The following SLC4A11 variants were observed in gnomAD, a reference collection of about 807,000 sequenced individuals.
The protein encoded by SLC4A11 is solute carrier family 4 member 11.
SLC4A11 carries 74 observed loss-of-function variants against 95.0 expected under a neutral mutation model. The ratio of observed to expected loss-of-function variants is 0.78; its 90% CI spans 0.65 to 0.95. The LOEUF (loss-of-function observed/expected upper bound fraction) is 0.95, where lower values mean the gene tolerates loss of function less well. Ranked by LOEUF, SLC4A11 falls within the 40% of genes least tolerant of loss-of-function variation. The pLI is 0.00. For missense variants in SLC4A11, 1,081 were observed against 1,192.4 expected (o/e 0.91, Z 1.38); for synonymous variants, 548 against 519.0 (o/e 1.06, Z -0.76).
At position 3,232,759 on chromosome 20, in the gene SLC4A11, A is replaced by G. The variant is rs572796107; in HGVS notation, c.729+755T>C. On this transcript the variant is annotated intron_variant, in intron 7 of 19. Transcript: ENST00000642402. ...ACAAATAAACAAATACAAAACCCCAAAAGAACTAGTCCATGCTCCTGAGGA... is the reference window on the plus strand; with the variant it reads ...ACAAATAAACAAATACAAAACCCCAGAAGAACTAGTCCATGCTCCTGAGGA... Among the ~76,000 whole-genome samples, 8 of 152,272 alleles carry G rather than the reference A, an allele frequency of 5.3e-5. No individual in the cohort carries two copies. In the South Asian group the frequency reaches 1.7e-3, roughly 32 times the overall value.
At chr20:3,239,542 G>T (rs926038927), upstream of SLC4A11, 22 of 989,690 alleles carry the variant, frequency 2.2e-5, no homozygotes, top group Non-Finnish European at 2.5e-5. Flanking sequence ...ACCGAGCTGT[G>T]CGACTGAGGC....
In SLC4A11 at chr20:3,231,261, C is replaced by A. The variant is rs777468868; in HGVS notation, c.949-19G>T. ...TTGGGGGCTGGAGGAGAGGACAGAG[C>A]GCCTGTTAGCCCTGTCCGGCCCATG... On this transcript the variant is annotated intron_variant, in intron 8 of 19. Transcript: ENST00000642402. The surrounding 1 kb of genome is among the most constrained non-coding windows in gnomAD (Gnocchi z 5.2). The A allele has an allele frequency of 3.7e-6, 6 of 1,613,456 alleles. No homozygotes were observed. Among genetic ancestry groups the A allele is most frequent in the East Asian group, 2.2e-5 (1 of 44,874 alleles).
chr20:3,229,060 G>GGGCCCCCCCCCCCCCCCCCCCCCCC, intron 16 of SLC4A11, 35 bp downstream of exon 16: 5 of 1,541,586 alleles, frequency 3.2e-6, no homozygotes, highest in Non-Finnish European at 4.4e-6. Flanking sequence ...AGAGGCCCGG[G>GGGCCCCCCCCCCCCCCCCCCCCCCC]CCCCGCCCAC....
At chr20:3,239,318 G>A (rs1361496428), upstream of SLC4A11, 2 of 1,158,810 alleles carry the variant, frequency 1.7e-6, no homozygotes, top group African/African-American at 3.3e-5. Context: ...GCCGAGGGCT[G>A]GGACCCGGCC....
rs1231139759 is a variant in SLC4A11, at chr20:3,231,249, G to T, written c.949-7C>A. ...AGTCCTTGCACTTTGGGGGCTGGAG[G>T]AGAGGACAGAGCGCCTGTTAGCCCT... On this transcript the variant is annotated splice_polypyrimidine_tract_variant and splice_region_variant and intron_variant, in intron 8 of 19. Coordinates refer to ENST00000642402, the MANE Select transcript of SLC4A11 (RefSeq NM_001174089.2). The surrounding 1 kb of genome is among the most constrained non-coding windows in gnomAD (Gnocchi z 5.2). The T allele has an allele frequency of 6.2e-7, 1 of 1,613,812 alleles. No individual in the cohort carries two copies. The highest frequency in any genetic ancestry group is 8.5e-7 in the Non-Finnish European group (1 of 1,180,012).
intron 12 of SLC4A11, 67 bp downstream of exon 12, chr20:3,230,448 G>C (rs1249462576): frequency 3.7e-6 from 6 of 1,610,416 alleles, no homozygotes; most frequent in Non-Finnish European, 5.1e-6. Flanking sequence ...ACCACCCTGG[G>C]GTTACAGGGG....
Position 3,234,849 on chromosome 20 carries a change from T to G in SLC4A11, c.134A>C (p.Glu45Ala). ...DTDDTFEARE[E>A]ILGDEAFDTA... The stretch of plus-strand genomic sequence containing the variant: ...GTCGAAGGCCTCATCCCCCAGGATC[T>G]CCTCTCGGGCTTCGAAGGTGTCATC... The change falls in exon 3 of 20, where the codon GAG becomes GCG. Residue 45 changes from glutamate (E) to alanine (A), a missense_variant. Coordinates refer to ENST00000642402, the MANE Select transcript of SLC4A11 (RefSeq NM_001174089.2). This position sits in a 1 kb window ranked among gnomAD's most constrained non-coding sequence, Gnocchi z 5.8. 2 of 1,614,024 alleles carry G rather than the reference T, an allele frequency of 1.2e-6. No individual in the cohort carries two copies. The highest frequency in any genetic ancestry group is 1.7e-6 in the Non-Finnish European group (2 of 1,180,018).
rs777468868 is a variant in SLC4A11 at position 3,231,261 on chromosome 20, C to T, written c.949-19G>A. On this transcript the variant is annotated intron_variant, in intron 8 of 19. Coordinates refer to ENST00000642402, the MANE Select transcript of SLC4A11 (RefSeq NM_001174089.2). This position sits in a 1 kb window ranked among gnomAD's most constrained non-coding sequence, Gnocchi z 5.2. ...TTGGGGGCTGGAGGAGAGGACAGAG[C>T]GCCTGTTAGCCCTGTCCGGCCCATG... 10 of 1,613,458 alleles carry T rather than the reference C, an allele frequency of 6.2e-6. No homozygotes were observed. The highest frequency in any genetic ancestry group is 1.7e-5 in the Admixed American group (1 of 60,008).
At chr20:3,237,709 C>T (rs3827076) in intron 1 of SLC4A11, 121 bp from the exon 2 acceptor site, 5 of 1,613,718 alleles carry the variant, frequency 3.1e-6, no homozygotes, top group South Asian at 2.2e-5. Context: ...ATGCAACCCA[C>T]GCCACCCTAG....
chr20:3,233,216 A>G (rs77811530), intron 7 of SLC4A11, among the ~76,000 whole-genome samples: 10,544 of 152,298 alleles, frequency 0.069, 432 homozygotes, highest in Non-Finnish European at 0.086. Flanking sequence ...CGCAAAGTCA[A>G]CCAAGTCAAA....
rs775491343 is a variant in SLC4A11, at chr20:3,228,823, C to A, written c.2192+15G>T. ...ACTCCTCAGGGTCCACGGCTCTTGC[C>A]AGCCTCACACTCACGTGTCATAGAT... On this transcript the variant is annotated intron_variant, in intron 17 of 19. Transcript: ENST00000642402. The A allele has an allele frequency of 6.2e-6, 10 of 1,613,726 alleles. No homozygotes were observed. In the Admixed American group the frequency reaches 1.7e-4, roughly 27 times the overall value.
intron 6 of SLC4A11, 114 bp downstream of exon 6, chr20:3,233,807 G>A (rs2067864823): frequency 2.6e-6 from 4 of 1,513,510 alleles, no homozygotes; most frequent in Non-Finnish European, 3.6e-6. Context: ...CAAGTTGGTT[G>A]GGCCGCCAGA....
chr20:3,231,314 G>A lies in SLC4A11; in HGVS notation c.948+16C>T, dbSNP rs536656814. 114 of 1,613,656 alleles carry A rather than the reference G, an allele frequency of 7.1e-5. 1 individual carries two copies. Among genetic ancestry groups the A allele is most frequent in the Non-Finnish European group, 9.1e-5 (107 of 1,179,986 alleles). On this transcript the variant is annotated intron_variant, in intron 8 of 19. Transcript: ENST00000642402. This position sits in a 1 kb window ranked among gnomAD's most constrained non-coding sequence, Gnocchi z 5.2. The stretch of plus-strand genomic sequence containing the variant: ...CCCGCCGACCCTGCCGGCCCCCGCC[G>A]GCCTCTACCCTGTACCTCTGGGTGT...
chr20:3,229,073 C>CACCCTCACCCACCCT, intron 16 of SLC4A11, 22 bp downstream of exon 16: 11 of 1,556,682 alleles, frequency 7.1e-6, no homozygotes, highest in Non-Finnish European at 9.5e-6. Flanking sequence ...CCGCCCACCC[C>CACCCTCACCCACCCT]ACCCTCACCC....
chr20:3,238,217 T>G, intron 1 of SLC4A11: 1 of 1,402,304 alleles, frequency 7.1e-7, no homozygotes, highest in Non-Finnish European at 9.2e-7. Flanking sequence ...GAGGAGTATC[T>G]GAGGGACACA....
rs1357785410 is a variant in SLC4A11, at chr20:3,239,163, G to C, written c.-26C>G. 2.8e-6 allele frequency: 4 copies of C among 1,444,504 alleles called. No homozygotes were observed. Among genetic ancestry groups the C allele is most frequent in the Non-Finnish European group, 3.6e-6 (4 of 1,100,058 alleles). The allele number at this position is 1,444,504 out of a possible 1,614,324, so 89.5% of individuals were successfully genotyped here. ...GGCACACTCGCGCACTCACGGCCGG[G>C]CTCCTCACGCGGCGCTCCGGCGCTT... On this transcript the variant is annotated 5_prime_UTR_variant, in exon 1 of 20. Coordinates refer to ENST00000642402, the MANE Select transcript of SLC4A11 (RefSeq NM_001174089.2).
Position 3,229,546 on chromosome 20 carries a change from T to C in SLC4A11, c.1720A>G (p.Thr574Ala). The C allele has an allele frequency of 1.2e-6, 2 of 1,612,582 alleles. No individual in the cohort carries two copies. The highest frequency in any genetic ancestry group is 8.5e-7 in the Non-Finnish European group (1 of 1,179,898). ...IMLGTLWLGY[T>A]LYQFKKSPYL... is the part of the protein sequence containing the mutation. ...CACCTCTTCTTGAATTGGTAGAGGG[T>C]GTAGCCCAGCCAGAGCGTGCCCAGC... The change falls in exon 14 of 20, where the codon ACC (threonine) becomes GCC (alanine). Residue 574 changes from threonine to alanine, a missense_variant. Thr to Ala is a moderately conservative substitution (Grantham distance 58). Around this residue, in one of 3 missense-constraint regions of SLC4A11, gnomAD observed 767 missense variants for 858.0 expected, o/e 0.89. Coordinates refer to ENST00000642402, the MANE Select transcript of SLC4A11 (RefSeq NM_001174089.2).
upstream of SLC4A11, chr20:3,239,204 G>A: frequency 7.4e-7 from 1 of 1,343,068 alleles, no homozygotes; most frequent in African/African-American, 1.5e-5. Flanking sequence ...CCCCAAACTC[G>A]GCGACTCGGG....
At position 3,229,373 on chromosome 20, in the gene SLC4A11, T is replaced by C; in HGVS notation, c.1822A>G (p.Ser608Gly). Residue 608 changes from serine to glycine, a missense_variant, in exon 15 of 20, where the codon AGC becomes GGC. Physicochemically the swap from Ser to Gly is moderately conservative, Grantham distance 56. Around this residue, in one of 3 missense-constraint regions of SLC4A11, gnomAD observed 767 missense variants for 858.0 expected, o/e 0.89. Coordinates refer to ENST00000642402, the MANE Select transcript of SLC4A11 (RefSeq NM_001174089.2). Reference protein sequence around the residue: ...PIAVLAFSLISSHGFREIEMS... With the variant: ...PIAVLAFSLIGSHGFREIEMS... ...TCGATTTCCCGGAAGCCATGGGAGC[T>C]GATGAGGGAGAAGGCGAGCACCGCG... 1 of 1,613,212 alleles carries C rather than the reference T, an allele frequency of 6.2e-7. No homozygotes were observed. The highest frequency in any genetic ancestry group is 8.5e-7 in the Non-Finnish European group (1 of 1,179,998).
Sources: allele counts gnomAD v4.1 joint callset (sites outside exome capture counted in the v4.1 genomes callset), GRCh38; gene constraint gnomAD v4.1.1; regional missense constraint gnomAD v4.1.1; non-coding constraint Gnocchi (gnomAD v3.1); transcripts MANE v1.5; gene names NCBI Gene and HGNC (gene_info 2026-07-23, HGNC 2026-07-21).